PRKN: variants seen among roughly 807,000 people sequenced by gnomAD.
The protein encoded by PRKN is E3 ubiquitin-protein ligase parkin.
PRKN carries 56 observed loss-of-function variants against 59.5 expected under a neutral mutation model. The observed-to-expected ratio is 0.94, with a 90% CI of 0.76 to 1.18. The LOEUF (loss-of-function observed/expected upper bound fraction) is 1.18, where lower values mean the gene tolerates loss of function less well. Ranked by LOEUF, PRKN falls within the 50% of genes most tolerant of loss-of-function variation. PRKN has a pLI of 0.00. For synonymous variants in PRKN, 250 were observed against 222.1 expected (o/e 1.13, Z -1.12); for missense variants, 657 against 596.4 (o/e 1.10, Z -1.06).
intron 1 of PRKN, among the ~76,000 whole-genome samples, chr6:162,680,371 GAAAC>G (rs1175399905): frequency 1.3e-5 from 2 of 150,244 alleles, no homozygotes; most frequent in East Asian, 1.9e-4. Flanking sequence ...TAATATTTGA[GAAAC>G]AAATTAAAAA....
intron 7 of PRKN, among the ~76,000 whole-genome samples, chr6:161,678,568 A>AATTTTTTTTTTTT (rs562536578): frequency 8.2e-6 from 1 of 121,448 alleles, no homozygotes. Context: ...TTGGTGCCTG[A>AATTTTTTTTTTTT]TTTTTTTTTT....
intron 6 of PRKN, among the ~76,000 whole-genome samples, chr6:161,860,884 C>A (rs1354197164): frequency 6.6e-6 from 1 of 152,172 alleles, no homozygotes; most frequent in Admixed American, 6.5e-5. Context: ...AATGAGATAC[C>A]ATCTTACACC....
At chr6:162,711,773 T>C (rs1248783927) in intron 1 of PRKN, among the ~76,000 whole-genome samples, 8 of 152,166 alleles carry the variant, frequency 5.3e-5, no homozygotes, top group African/African-American at 1.9e-4. Flanking sequence ...AGAATGTCTC[T>C]CCATTAGGCA....
chr6:161,785,806 G>A lies in PRKN; in HGVS notation c.837C>T (p.His279=), dbSNP rs149433924. The change falls in exon 7 of 12, where the codon CAC becomes CAT. Residue 279 remains histidine (H), a synonymous_variant. Transcript: ENST00000366898. Reference sequence around the variant, plus strand: ...GCAGGGAGTAGCCAAGTTGAGGGTCGTGAACAAACTGCCGATCATTGAGTC... The same window carrying A: ...GCAGGGAGTAGCCAAGTTGAGGGTCATGAACAAACTGCCGATCATTGAGTC... ...VTRLNDRQFV[H]DPQLGYSLPC... 381 of 1,613,916 alleles carry A rather than the reference G, an allele frequency of 2.4e-4. No homozygotes were observed. The highest frequency in any genetic ancestry group is 3.0e-4 in the Non-Finnish European group (358 of 1,179,960).
At chr6:162,657,528 T>C (rs531160140) in intron 1 of PRKN, among the ~76,000 whole-genome samples, 28 of 152,308 alleles carry the variant, frequency 1.8e-4, no homozygotes, top group African/African-American at 6.7e-4. Context: ...CAAAAAGTTC[T>C]CTTAAGAGTT....
chr6:162,414,128 A>G (rs1219425434), intron 2 of PRKN, among the ~76,000 whole-genome samples: 1 of 152,070 alleles, frequency 6.6e-6, no homozygotes, highest in African/African-American at 2.4e-5. Flanking sequence ...GACTGCAGTG[A>G]GCTGAAATCA....
intron 1 of PRKN, among the ~76,000 whole-genome samples, chr6:162,581,351 A>G (rs1780782581): frequency 6.6e-6 from 1 of 152,264 alleles, no homozygotes; most frequent in South Asian, 2.1e-4. Context: ...GTGGAAATGA[A>G]TATTAAATTC....
intron 1 of PRKN, among the ~76,000 whole-genome samples, chr6:162,685,558 T>G (rs146672124): frequency 3.7e-4 from 56 of 151,994 alleles, no homozygotes; most frequent in African/African-American, 1.2e-3. Context: ...CATTAAAAAG[T>G]GAAAAATCAA....
intron 1 of PRKN, among the ~76,000 whole-genome samples, chr6:162,583,126 C>T (rs1215578002): frequency 6.6e-6 from 1 of 152,186 alleles, no homozygotes; most frequent in Non-Finnish European, 1.5e-5. Context: ...GAGGACAGGA[C>T]GGCATACAAG....
At chr6:161,638,952 C>T (rs576958145) in intron 7 of PRKN, among the ~76,000 whole-genome samples, 18 of 151,948 alleles carry the variant, frequency 1.2e-4, no homozygotes, top group African/African-American at 9.6e-5. Flanking sequence ...ATGTTGGCTG[C>T]GCTGGTCTCA....
intron 10 of PRKN, among the ~76,000 whole-genome samples, chr6:161,382,920 T>C (rs3890730): frequency 0.23 from 34,475 of 152,076 alleles, 4,030 homozygotes; most frequent in South Asian, 0.29. Context: ...AACCAATCAA[T>C]GCTAAAGGGA....
chr6:162,292,449 C>A (rs928283935), intron 2 of PRKN, among the ~76,000 whole-genome samples: 3 of 152,118 alleles, frequency 2.0e-5, no homozygotes, highest in African/African-American at 7.2e-5. Flanking sequence ...GGCAGAGGCT[C>A]ATTGCCTTAG....
intron 1 of PRKN, among the ~76,000 whole-genome samples, chr6:162,697,504 T>C (rs1778011771): frequency 6.6e-6 from 1 of 152,204 alleles, no homozygotes; most frequent in Non-Finnish European, 1.5e-5. Context: ...ATTTTTAAAA[T>C]CCTGTATTAA....
At chr6:162,416,988 A>G (rs1562749018) in intron 2 of PRKN, among the ~76,000 whole-genome samples, 1 of 152,196 alleles carries the variant, frequency 6.6e-6, no homozygotes, top group Non-Finnish European at 1.5e-5. Context: ...TTTTAAATCT[A>G]TAGCTCTTCT....
intron 1 of PRKN, among the ~76,000 whole-genome samples, chr6:162,574,888 T>C (rs2128209736): frequency 1.3e-5 from 2 of 151,584 alleles, no homozygotes; most frequent in East Asian, 3.9e-4. Context: ...GTACACTAGT[T>C]GTTCTGAGTG....
chr6:161,880,499 T>C (rs929764184), intron 6 of PRKN, among the ~76,000 whole-genome samples: 2 of 152,132 alleles, frequency 1.3e-5, no homozygotes. Flanking sequence ...AGTATTAGGG[T>C]ATTCTTCTCC....
intron 2 of PRKN, among the ~76,000 whole-genome samples, chr6:162,289,534 T>A (rs147169240): frequency 0.023 from 3,496 of 151,838 alleles, 131 homozygotes; most frequent in African/African-American, 0.081. Flanking sequence ...CCGTCTCTAC[T>A]GAAAATACAA....
intron 5 of PRKN, among the ~76,000 whole-genome samples, chr6:162,013,130 T>A (rs1782799842): frequency 1.3e-5 from 2 of 152,182 alleles, no homozygotes; most frequent in African/African-American, 2.4e-5. Context: ...CTTCTACATG[T>A]GGAATTTTAC....
At chr6:162,495,259 T>C (rs1009519909) in intron 1 of PRKN, among the ~76,000 whole-genome samples, 2 of 152,160 alleles carry the variant, frequency 1.3e-5, no homozygotes, top group Admixed American at 1.3e-4. Context: ...TTAATACATA[T>C]CGTGTTCCAA....
Sources: gnomAD v4.1 joint callset for allele counts (sites outside exome capture counted in the v4.1 genomes callset) on GRCh38, gnomAD v4.1.1 for gene constraint, MANE v1.5 for transcripts, NCBI Gene and HGNC (gene_info 2026-07-23, HGNC 2026-07-21) for gene names.